The following NSMCE2 variants were observed in gnomAD, a reference collection of about 807,000 sequenced individuals.
NSMCE2 encodes the protein NSE2 SUMO ligase component of SMC5/6 complex.
Under a neutral mutation model 23.8 loss-of-function variants are expected in NSMCE2, and 24 were observed. The ratio of observed to expected loss-of-function variants is 1.01; its 90% CI spans 0.73 to 1.42. The LOEUF is 1.42. Ranked by LOEUF, NSMCE2 falls within the 40% of genes most tolerant of loss-of-function variation. NSMCE2 has a pLI of 0.00. For synonymous variants in NSMCE2, 92 were observed against 94.1 expected (o/e 0.98, Z 0.13); for missense variants, 284 against 296.5 (o/e 0.96, Z 0.31).
At chr8:125,362,639 A>G (rs573541000) in intron 7 of NSMCE2, among the ~76,000 whole-genome samples, 9 of 152,324 alleles carry the variant, frequency 5.9e-5, no homozygotes, top group Non-Finnish European at 1.0e-4. Flanking sequence ...CAGAGAATTT[A>G]GTCACTTACC....
At chr8:125,342,792 A>G (rs967991263) in intron 5 of NSMCE2, among the ~76,000 whole-genome samples, 1 of 152,080 alleles carries the variant, frequency 6.6e-6, no homozygotes, top group Non-Finnish European at 1.5e-5. Flanking sequence ...TTACTCTTGG[A>G]AGTTCAGGTA....
At chr8:125,241,346 G>A (rs915216513) in intron 5 of NSMCE2, among the ~76,000 whole-genome samples, 1 of 152,156 alleles carries the variant, frequency 6.6e-6, no homozygotes, top group Non-Finnish European at 1.5e-5. Context: ...TGCAGTTGAG[G>A]GGAGATAGGC....
At chr8:125,157,861 A>T (rs1821406539) in intron 4 of NSMCE2, among the ~76,000 whole-genome samples, 1 of 152,198 alleles carries the variant, frequency 6.6e-6, no homozygotes, top group Non-Finnish European at 1.5e-5. Flanking sequence ...TTTGCCCCAT[A>T]ATACTAATTA....
intron 4 of NSMCE2, among the ~76,000 whole-genome samples, chr8:125,181,714 T>C (rs768033480): frequency 6.7e-6 from 1 of 148,380 alleles, no homozygotes; most frequent in Non-Finnish European, 1.5e-5. Flanking sequence ...AAAAAAAAAA[T>C]GTTGAGCATG....
intron 5 of NSMCE2, among the ~76,000 whole-genome samples, chr8:125,324,913 G>A (rs184888243): frequency 5.5e-5 from 8 of 146,378 alleles, no homozygotes; most frequent in Admixed American, 2.9e-4. Flanking sequence ...TTGATGTAAG[G>A]CATCAGAAAA....
intron 5 of NSMCE2, among the ~76,000 whole-genome samples, chr8:125,263,908 TA>T (rs1467335024): frequency 6.6e-6 from 1 of 152,236 alleles, no homozygotes; most frequent in African/African-American, 2.4e-5. Context: ...GAACAATTCC[TA>T]ACACCTGGTA....
chr8:125,216,761 C>T (rs888489919), intron 5 of NSMCE2, among the ~76,000 whole-genome samples: 13 of 152,132 alleles, frequency 8.5e-5, no homozygotes, highest in African/African-American at 2.9e-4. Context: ...TCACCTTTGC[C>T]TCTGCTTAGG....
intron 5 of NSMCE2, among the ~76,000 whole-genome samples, chr8:125,313,192 AAGAG>A (rs768202872): frequency 2.1e-3 from 314 of 148,916 alleles, no homozygotes; most frequent in African/African-American, 4.3e-3. Flanking sequence ...AGGAGAAAGA[AAGAG>A]AGAGAGAAAG....
intron 5 of NSMCE2, among the ~76,000 whole-genome samples, chr8:125,330,239 C>T (rs72720595): frequency 0.13 from 18,388 of 143,610 alleles, 1,240 homozygotes; most frequent in African/African-American, 0.18. Context: ...TGCGATGGGA[C>T]GATCTAGGTT....
chr8:125,341,159 A>G (rs1411109345), intron 5 of NSMCE2, among the ~76,000 whole-genome samples: 1 of 152,120 alleles, frequency 6.6e-6, no homozygotes, highest in Admixed American at 6.5e-5. Context: ...GCTGCAATCC[A>G]GCCTTGTCCT....
At chr8:125,230,255 T>C (rs1204847510) in intron 5 of NSMCE2, among the ~76,000 whole-genome samples, 4 of 152,152 alleles carry the variant, frequency 2.6e-5, no homozygotes, top group Admixed American at 6.5e-5. Flanking sequence ...TTTCAAAATG[T>C]CATTCTTATT....
chr8:125,178,322 A>C (rs1331185109), intron 4 of NSMCE2, among the ~76,000 whole-genome samples: 1 of 152,132 alleles, frequency 6.6e-6, no homozygotes, highest in Non-Finnish European at 1.5e-5. Context: ...CACAGAGAGC[A>C]CTCACTGAAT....
At chr8:125,170,932 C>T (rs745432142) in intron 4 of NSMCE2, among the ~76,000 whole-genome samples, 26 of 152,146 alleles carry the variant, frequency 1.7e-4, no homozygotes, top group Non-Finnish European at 3.5e-4. Context: ...CTACTCTGTG[C>T]AAAACCTTCA....
In NSMCE2 at chr8:125,208,649, C is replaced by T. The variant is rs182851103; in HGVS notation, c.418+26393C>T. Reference sequence around the variant, plus strand: ...GAGGAGACAAATGATTGAGTGCCAGCGTAAGTGTTTCATACAATTAACACC... The same window carrying T: ...GAGGAGACAAATGATTGAGTGCCAGTGTAAGTGTTTCATACAATTAACACC... On this transcript the variant is annotated intron_variant, in intron 5 of 7. Coordinates refer to ENST00000287437, the MANE Select transcript of NSMCE2 (RefSeq NM_173685.4). 3.9e-4 allele frequency among the ~76,000 whole-genome samples: 59 copies of T among 152,226 alleles called. 1 individual carries two copies. Among genetic ancestry groups the T allele is most frequent in the Admixed American group, 8.5e-4 (13 of 15,284 alleles).
rs1025956352 is a variant in NSMCE2 at position 125,301,719 on chromosome 8, A to G, written c.419-55500A>G. 6.7e-5 allele frequency among the ~76,000 whole-genome samples: 10 copies of G among 148,554 alleles called. No individual in the cohort carries two copies. The Admixed American group carries it at 6.8e-4, about 10-fold the overall frequency. On this transcript the variant is annotated intron_variant, in intron 5 of 7. Transcript: ENST00000287437. The stretch of plus-strand genomic sequence containing the variant: ...ACCTAGGCTGGAGGGCTGGAGTGCA[A>G]TGGCACAGTCTCGGCTCACTACAAC...
At chr8:125,101,886 G>A (rs922965841) in intron 1 of NSMCE2, 165 bp from the exon 2 acceptor site, 1 of 153,720 alleles carries the variant, frequency 6.5e-6, no homozygotes, top group Non-Finnish European at 1.4e-5. Flanking sequence ...ATGCATATAT[G>A]TTGGATAGTT....
intron 4 of NSMCE2, among the ~76,000 whole-genome samples, chr8:125,163,867 A>G (rs1821746031): frequency 6.6e-6 from 1 of 152,226 alleles, no homozygotes; most frequent in African/African-American, 2.4e-5. Flanking sequence ...TGGCTAGCCA[A>G]TAAAAAAGGA....
At chr8:125,222,021 T>G (rs1266996764) in intron 5 of NSMCE2, among the ~76,000 whole-genome samples, 1 of 152,146 alleles carries the variant, frequency 6.6e-6, no homozygotes, top group Non-Finnish European at 1.5e-5. Context: ...CTGGAAGTTT[T>G]CTTTCTTTCT....
intron 5 of NSMCE2, among the ~76,000 whole-genome samples, chr8:125,281,555 T>A (rs901263305): frequency 3.9e-5 from 6 of 152,032 alleles, no homozygotes; most frequent in African/African-American, 1.4e-4. Context: ...TTCTCTTGCC[T>A]CAGCCTCCTG....
Sources: gnomAD v4.1 joint callset for allele counts (sites outside exome capture counted in the v4.1 genomes callset) on GRCh38, gnomAD v4.1.1 for gene constraint, MANE v1.5 for transcripts, NCBI Gene and HGNC (gene_info 2026-07-23, HGNC 2026-07-21) for gene names.